The following CDH9 variants were observed in gnomAD, a reference collection of about 807,000 sequenced individuals.
CDH9 encodes cadherin 9.
In CDH9, 28 loss-of-function variants were observed where a neutral mutation model predicts 70.9. The observed-to-expected ratio is 0.40, with a 90% CI of 0.29 to 0.54. CDH9 has a LOEUF of 0.54. Ranked by LOEUF, CDH9 falls within the 20% of genes least tolerant of loss-of-function variation. CDH9 has a pLI of 0.59. For missense variants in CDH9, 874 were observed against 984.4 expected (o/e 0.89, Z 1.50); for synonymous variants, 409 against 343.1 (o/e 1.19, Z -2.12).
chr5:26,966,041 C>T (rs1244579531), intron 2 of CDH9, among the ~76,000 whole-genome samples: 1 of 152,156 alleles, frequency 6.6e-6, no homozygotes, highest in African/African-American at 2.4e-5. Flanking sequence ...CCTAAGCTCC[C>T]TTTCTGAACT....
intron 2 of CDH9, among the ~76,000 whole-genome samples, chr5:26,926,302 A>AC (rs1393286789): frequency 5.4e-3 from 1 of 186 alleles, no homozygotes; most frequent in Non-Finnish European, 9.3e-3. Flanking sequence ...CCAATAACAG[A>AC]CAACAGAGAG....
At chr5:26,921,659 C>T (rs925529127) in intron 2 of CDH9, among the ~76,000 whole-genome samples, 2 of 152,154 alleles carry the variant, frequency 1.3e-5, no homozygotes, top group Admixed American at 6.5e-5. Flanking sequence ...CCTGCTCTGC[C>T]TCATCTTTGA....
intron 1 of CDH9, among the ~76,000 whole-genome samples, chr5:27,000,709 A>C (rs1013505951): frequency 6.6e-6 from 1 of 152,090 alleles, no homozygotes; most frequent in Non-Finnish European, 1.5e-5. Flanking sequence ...GGTGGAAAAA[A>C]CCTAGATTTT....
At chr5:26,944,369 T>C (rs1170383763) in intron 2 of CDH9, among the ~76,000 whole-genome samples, 3 of 152,146 alleles carry the variant, frequency 2.0e-5, no homozygotes, top group Non-Finnish European at 4.4e-5. Context: ...AAAGGATAAC[T>C]TGGTTGGGCA....
In CDH9 at chr5:26,890,844, G is replaced by C. The variant is rs560518795; in HGVS notation, c.1254-280C>G. The C allele has an allele frequency of 1.3e-5, 4 of 315,652 alleles. No homozygotes were observed. In the East Asian group the frequency reaches 2.3e-4, roughly 18 times the overall value. The allele number at this position is 315,652 out of a possible 1,614,324, so 19.6% of individuals were successfully genotyped here. ...TAAAGTGAGTTCTTAAGTATCACTT[G>C]GTTCACTTATCCTATCGTAGGCCTA... On this transcript the variant is annotated intron_variant, in intron 7 of 11. Transcript: ENST00000231021.
At chr5:27,026,109 A>C (rs1743216624) in intron 1 of CDH9, among the ~76,000 whole-genome samples, 2 of 151,904 alleles carry the variant, frequency 1.3e-5, no homozygotes, top group East Asian at 3.9e-4. Flanking sequence ...AACTTTGTAT[A>C]CATAAAAAGA....
chr5:26,995,295 C>A (rs1742647865), intron 1 of CDH9, among the ~76,000 whole-genome samples: 1 of 152,064 alleles, frequency 6.6e-6, no homozygotes, highest in South Asian at 2.1e-4. Flanking sequence ...AGTGCATAAA[C>A]AAACTGATAG....
intron 2 of CDH9, among the ~76,000 whole-genome samples, chr5:26,941,076 C>T (rs1484713427): frequency 1.3e-5 from 2 of 152,188 alleles, no homozygotes; most frequent in African/African-American, 2.4e-5. Context: ...CATAAACATA[C>T]CATCTTATAC....
chr5:27,021,268 A>G (rs1401969955), intron 1 of CDH9, among the ~76,000 whole-genome samples: 2 of 151,890 alleles, frequency 1.3e-5, no homozygotes, highest in Non-Finnish European at 2.9e-5. Flanking sequence ...GTCTATATGT[A>G]CATTTAACTG....
intron 2 of CDH9, among the ~76,000 whole-genome samples, chr5:26,948,760 A>G (rs1741795914): frequency 6.6e-6 from 1 of 152,232 alleles, no homozygotes; most frequent in Non-Finnish European, 1.5e-5. Flanking sequence ...TCAATAGGCA[A>G]TTGAAACACT....
intron 1 of CDH9, among the ~76,000 whole-genome samples, chr5:27,024,053 AAAAT>A (rs553191369): frequency 5.3e-5 from 8 of 151,868 alleles, no homozygotes; most frequent in Non-Finnish European, 1.0e-4. Context: ...CTCTGTCTCA[AAAAT>A]AAATAAATAA....
intron 1 of CDH9, among the ~76,000 whole-genome samples, chr5:26,988,750 T>C (rs1742531659): frequency 6.6e-6 from 1 of 152,076 alleles, no homozygotes; most frequent in African/African-American, 2.4e-5. Flanking sequence ...GTAGAATATT[T>C]ATTAACATAT....
At chr5:26,945,046 A>G (rs926598886) in intron 2 of CDH9, among the ~76,000 whole-genome samples, 1 of 152,132 alleles carries the variant, frequency 6.6e-6, no homozygotes, top group Non-Finnish European at 1.5e-5. Flanking sequence ...TGTGTTTTAG[A>G]GTTGCCATCT....
At chr5:26,888,921 G>A (rs1429723151) in intron 9 of CDH9, among the ~76,000 whole-genome samples, 2 of 152,052 alleles carry the variant, frequency 1.3e-5, no homozygotes, top group African/African-American at 2.4e-5. Flanking sequence ...CATCAGATCA[G>A]GCTCTATACC....
intron 2 of CDH9, among the ~76,000 whole-genome samples, chr5:26,982,066 C>T (rs1742409035): frequency 6.6e-6 from 1 of 152,014 alleles, no homozygotes; most frequent in Admixed American, 6.6e-5. Context: ...CCGTCTCGTC[C>T]TTCCTGATGA....
intron 2 of CDH9, among the ~76,000 whole-genome samples, chr5:26,947,631 A>G (rs16896399): frequency 0.13 from 19,058 of 152,188 alleles, 3,994 homozygotes; most frequent in African/African-American, 0.44. Flanking sequence ...AGACTCTGCT[A>G]TGGGTAATGA....
intron 2 of CDH9, among the ~76,000 whole-genome samples, chr5:26,940,580 CCT>C (rs147142654): frequency 4.1e-4 from 63 of 152,250 alleles, no homozygotes; most frequent in African/African-American, 1.4e-3. Context: ...AGCCCAAATG[CCT>C]CTTTTACTAA....
At chr5:26,912,356 T>A (rs1301513036) in intron 3 of CDH9, among the ~76,000 whole-genome samples, 1 of 152,006 alleles carries the variant, frequency 6.6e-6, no homozygotes, top group East Asian at 1.9e-4. Flanking sequence ...ACACCTGCAA[T>A]AATTATAATG....
intron 2 of CDH9, among the ~76,000 whole-genome samples, chr5:26,961,273 T>C (rs1742030332): frequency 6.6e-6 from 1 of 152,154 alleles, no homozygotes; most frequent in Admixed American, 6.6e-5. Flanking sequence ...ACACTCAGAA[T>C]CTACTCTTTC....
Sources: allele counts gnomAD v4.1 joint callset (sites outside exome capture counted in the v4.1 genomes callset), GRCh38; gene constraint gnomAD v4.1.1; transcripts MANE v1.5; gene names NCBI Gene and HGNC (gene_info 2026-07-23, HGNC 2026-07-21).